The following ROBO2 variants were observed in gnomAD, a reference collection of about 807,000 sequenced individuals.
ROBO2 encodes roundabout guidance receptor 2.
In ROBO2, 53 loss-of-function variants were observed where a neutral mutation model predicts 160.8. The ratio of observed to expected loss-of-function variants is 0.33; its 90% confidence interval spans 0.26 to 0.41. The LOEUF (loss-of-function observed/expected upper bound fraction) is 0.41. Among genes scored for constraint, ROBO2 ranks in the 10% least tolerant of loss-of-function variants. ROBO2 has a pLI of 1.00. For synonymous variants in ROBO2, 664 were observed against 611.7 expected, an observed-to-expected ratio of 1.09 and a Z score of -1.26; for missense variants, 1,577 against 1,722.4, an observed-to-expected ratio of 0.92 and a Z score of 1.49.
intron 2 of ROBO2, among the ~76,000 whole-genome samples, chr3:76,648,970 G>C (rs566830600): frequency 2.7e-4 from 41 of 152,130 alleles, no homozygotes; most frequent in African/African-American, 9.4e-4. Flanking sequence ...ATTTTATGCT[G>C]CCTCTAAGTC....
intron 2 of ROBO2, among the ~76,000 whole-genome samples, chr3:76,487,991 TC>T (rs2079592136): frequency 6.6e-6 from 1 of 152,150 alleles, no homozygotes; most frequent in Admixed American, 6.6e-5. Context: ...TTTGCCATAT[TC>T]TACCATTAGA....
intron 2 of ROBO2, among the ~76,000 whole-genome samples, chr3:76,539,222 A>G (rs986348718): frequency 6.6e-6 from 1 of 152,146 alleles, no homozygotes; most frequent in African/African-American, 2.4e-5. Flanking sequence ...GAGGGAGAGC[A>G]TTAGGATAAA....
At chr3:76,928,436 T>C (rs1193922375) in intron 2 of ROBO2, among the ~76,000 whole-genome samples, 2 of 149,314 alleles carry the variant, frequency 1.3e-5, no homozygotes, top group Non-Finnish European at 2.9e-5. Context: ...GTTTGTGTGC[T>C]ACTAAGTTTA....
intron 2 of ROBO2, among the ~76,000 whole-genome samples, chr3:77,248,777 C>CTTTTTT (rs56271044): frequency 1.4e-5 from 2 of 141,604 alleles, no homozygotes; most frequent in Non-Finnish European, 3.1e-5. Context: ...ATCACTTGCT[C>CTTTTTT]TTTTTTTTTT....
At chr3:77,242,431 G>T (rs1227663650) in intron 2 of ROBO2, among the ~76,000 whole-genome samples, 1 of 152,060 alleles carries the variant, frequency 6.6e-6, no homozygotes, top group Non-Finnish European at 1.5e-5. Context: ...CAAGTCTAAG[G>T]TATAGGAAGG....
chr3:76,709,973 A>C (rs953008959), intron 2 of ROBO2, among the ~76,000 whole-genome samples: 6 of 152,070 alleles, frequency 3.9e-5, no homozygotes, highest in African/African-American at 7.2e-5. Flanking sequence ...TCTCAACACA[A>C]CTTTAGAGGT....
At chr3:76,670,137 T>C (rs1364255670) in intron 2 of ROBO2, among the ~76,000 whole-genome samples, 1 of 152,174 alleles carries the variant, frequency 6.6e-6, no homozygotes, top group Non-Finnish European at 1.5e-5. Context: ...CCTTGTATAA[T>C]TTTTAGATAG....
chr3:76,059,766 G>T (rs575490002), intron 2 of ROBO2, among the ~76,000 whole-genome samples: 1 of 152,234 alleles, frequency 6.6e-6, no homozygotes, highest in East Asian at 1.9e-4. Context: ...TTTTCTTCTA[G>T]GGTTTTTATG....
At chr3:77,349,726 T>C (rs1378671734) in intron 2 of ROBO2, among the ~76,000 whole-genome samples, 3 of 152,174 alleles carry the variant, frequency 2.0e-5, no homozygotes, top group Admixed American at 6.5e-5. Context: ...GGTTCACAGA[T>C]ACATCAGACT....
intron 2 of ROBO2, among the ~76,000 whole-genome samples, chr3:77,348,046 C>T (rs929396209): frequency 2.6e-5 from 4 of 151,988 alleles, no homozygotes; most frequent in Non-Finnish European, 5.9e-5. Context: ...TTTTATACAC[C>T]TTTTTTTCCT....
chr3:77,227,002 A>C (rs2086581543), intron 2 of ROBO2, among the ~76,000 whole-genome samples: 1 of 152,164 alleles, frequency 6.6e-6, no homozygotes, highest in Admixed American at 6.5e-5. Flanking sequence ...ATGTCAAAGT[A>C]AATGTAACTT....
At chr3:76,373,929 C>G (rs1281469465) in intron 2 of ROBO2, among the ~76,000 whole-genome samples, 1 of 151,924 alleles carries the variant, frequency 6.6e-6, no homozygotes, top group Admixed American at 6.6e-5. Context: ...ATGTTTCTCT[C>G]TCTACTAGCC....
chr3:76,513,818 GC>G (rs1352464588), intron 2 of ROBO2, among the ~76,000 whole-genome samples: 1 of 151,962 alleles, frequency 6.6e-6, no homozygotes, highest in Non-Finnish European at 1.5e-5. Flanking sequence ...ACCCACTTCG[GC>G]CAACCTCAGG....
intron 2 of ROBO2, among the ~76,000 whole-genome samples, chr3:76,038,009 A>G (rs946956495): frequency 2.0e-5 from 3 of 152,186 alleles, no homozygotes; most frequent in African/African-American, 7.2e-5. Context: ...TTCTTACCTT[A>G]TCTGAAGGGT....
chr3:76,475,125 G>C (rs1307387394), intron 2 of ROBO2, among the ~76,000 whole-genome samples: 8 of 151,922 alleles, frequency 5.3e-5, no homozygotes, highest in African/African-American at 1.7e-4. Context: ...GAAAAAAAGG[G>C]GGTAATATGA....
intron 2 of ROBO2, among the ~76,000 whole-genome samples, chr3:76,842,642 A>G (rs1363637303): frequency 2.6e-5 from 4 of 152,226 alleles, no homozygotes; most frequent in South Asian, 2.1e-4. Flanking sequence ...TAGGTCTTCT[A>G]TAAATGCGAG....
intron 2 of ROBO2, among the ~76,000 whole-genome samples, chr3:77,154,847 T>C (rs2077857081): frequency 6.6e-6 from 1 of 151,730 alleles, no homozygotes; most frequent in Non-Finnish European, 1.5e-5. Flanking sequence ...TGGCGACAAC[T>C]GAAACTGGGG....
chr3:77,219,375 T>G (rs1409907775), intron 2 of ROBO2, among the ~76,000 whole-genome samples: 2 of 149,030 alleles, frequency 1.3e-5, no homozygotes, highest in Non-Finnish European at 3.0e-5. Context: ...CCAAACTTAT[T>G]AAGCTTTATT....
chr3:76,614,803 C>A (rs754243808), intron 2 of ROBO2, among the ~76,000 whole-genome samples: 1 of 152,040 alleles, frequency 6.6e-6, no homozygotes, highest in Non-Finnish European at 1.5e-5. Flanking sequence ...AAACTTGTCA[C>A]GGGTTATTAA....
Sources: gnomAD v4.1 joint callset for allele counts (sites outside exome capture counted in the v4.1 genomes callset) on GRCh38, gnomAD v4.1.1 for gene constraint, MANE v1.5 for transcripts, NCBI Gene and HGNC (gene_info 2026-07-23, HGNC 2026-07-21) for gene names.